RASGRF2: variants seen among roughly 807,000 people sequenced by gnomAD.
The protein encoded by RASGRF2 is Ras protein specific guanine nucleotide releasing factor 2, also known as ras-specific guanine nucleotide-releasing factor 2.
RASGRF2 carries 76 observed loss-of-function variants against 151.0 expected under a neutral mutation model. That is an observed-to-expected ratio of 0.50 (90% CI 0.42 to 0.61). The LOEUF is 0.61. Ranked by LOEUF, RASGRF2 falls within the 20% of genes least tolerant of loss-of-function variation. The pLI is 0.00. For synonymous variants in RASGRF2, 504 were observed against 566.5 expected (o/e 0.89, Z 1.57); for missense variants, 1,148 against 1,564.6 (o/e 0.73, Z 4.49).
intron 17 of RASGRF2, among the ~76,000 whole-genome samples, chr5:81,171,805 G>C (rs1224560139): frequency 6.6e-6 from 1 of 152,144 alleles, no homozygotes; most frequent in Non-Finnish European, 1.5e-5. Context: ...ACAATTTCTG[G>C]AAGTCTTTAA....
chr5:81,094,995 A>G lies in RASGRF2; in HGVS notation c.1755+3A>G, dbSNP rs745589146. ...CCTGGATGAGTGACATCAGTCAGGT[A>G]AGAAAGTGGCTTTTGCCAAATTTTT... On this transcript the variant is annotated splice_donor_region_variant and intron_variant, in intron 12 of 26. Coordinates refer to ENST00000265080, the MANE Select transcript of RASGRF2 (RefSeq NM_006909.3). 1.0e-5 allele frequency: 15 copies of G among 1,436,910 alleles called. No individual in the cohort carries two copies. The highest frequency in any genetic ancestry group is 1.4e-5 in the Non-Finnish European group (15 of 1,091,698). 89.0% of individuals were successfully genotyped at this position (1,436,910 alleles called of 1,614,324 possible).
intron 1 of RASGRF2, among the ~76,000 whole-genome samples, chr5:81,027,213 A>G (rs1393905010): frequency 6.6e-6 from 1 of 152,220 alleles, no homozygotes; most frequent in African/African-American, 2.4e-5. Context: ...GTTAAAACCC[A>G]TAGAACCCTA....
intron 1 of RASGRF2, among the ~76,000 whole-genome samples, chr5:81,034,642 C>A (rs1436287485): frequency 2.6e-5 from 4 of 151,480 alleles, no homozygotes; most frequent in Admixed American, 2.6e-4. Flanking sequence ...AGTTCATGTC[C>A]TTTGTAGGGA....
At chr5:81,015,457 TAA>T (rs200848924) in intron 1 of RASGRF2, among the ~76,000 whole-genome samples, 2 of 152,230 alleles carry the variant, frequency 1.3e-5, no homozygotes, top group South Asian at 4.1e-4. Flanking sequence ...GAGCTATTTA[TAA>T]AAAAAGTTGT....
At chr5:81,161,172 C>G (rs1022674249) in intron 17 of RASGRF2, among the ~76,000 whole-genome samples, 4 of 152,202 alleles carry the variant, frequency 2.6e-5, no homozygotes, top group Non-Finnish European at 1.5e-5. Flanking sequence ...ATTCACACCA[C>G]CGGGTCTGAG....
chr5:81,153,664 T>C (rs1754187965), intron 17 of RASGRF2, among the ~76,000 whole-genome samples: 1 of 152,018 alleles, frequency 6.6e-6, no homozygotes, highest in African/African-American at 2.4e-5. Context: ...AAAACTAATA[T>C]GGAATGAATA....
intron 1 of RASGRF2, among the ~76,000 whole-genome samples, chr5:80,989,078 A>G (rs770175735): frequency 2.6e-5 from 4 of 152,188 alleles, no homozygotes; most frequent in Admixed American, 1.3e-4. Flanking sequence ...CCGGGATTCA[A>G]ATGATTCTCA....
At chr5:81,090,113 A>G (rs1376028394) in intron 9 of RASGRF2, among the ~76,000 whole-genome samples, 6 of 152,130 alleles carry the variant, frequency 3.9e-5, no homozygotes, top group Non-Finnish European at 8.8e-5. Context: ...TCATTCCTAG[A>G]CTCTAAGTCA....
At chr5:81,070,388 T>G (rs780630407) in intron 3 of RASGRF2, 104 bp from the exon 4 acceptor site, 3 of 905,868 alleles carry the variant, frequency 3.3e-6, no homozygotes, top group East Asian at 4.9e-5. Flanking sequence ...AGTGGGTGTT[T>G]CCTGAGGATC....
At chr5:81,112,068 C>A (rs1027222671) in intron 13 of RASGRF2, among the ~76,000 whole-genome samples, 5 of 152,126 alleles carry the variant, frequency 3.3e-5, no homozygotes, top group African/African-American at 1.2e-4. Flanking sequence ...CAGAGTGAGA[C>A]AAATTATTAT....
intron 1 of RASGRF2, among the ~76,000 whole-genome samples, chr5:81,034,809 G>GT (rs1750416297): frequency 1.2e-5 from 1 of 84,134 alleles, no homozygotes; most frequent in Non-Finnish European, 2.6e-5. Context: ...TGGGGTGGGA[G>GT]GGGGGTAGGG....
chr5:81,062,039 T>A (rs1418270022), intron 2 of RASGRF2, among the ~76,000 whole-genome samples: 4 of 145,606 alleles, frequency 2.7e-5, no homozygotes, highest in Admixed American at 6.9e-5. Context: ...AGAGATGAGA[T>A]CTTACTATGT....
intron 1 of RASGRF2, among the ~76,000 whole-genome samples, chr5:81,025,343 A>C (rs917042193): frequency 2.0e-5 from 3 of 152,166 alleles, no homozygotes; most frequent in African/African-American, 4.8e-5. Flanking sequence ...CACAGGCCAG[A>C]CATCAACTTC....
intron 1 of RASGRF2, among the ~76,000 whole-genome samples, chr5:80,976,817 C>T (rs974961798): frequency 3.3e-5 from 5 of 152,214 alleles, no homozygotes; most frequent in African/African-American, 4.8e-5. Flanking sequence ...TCCACATCCT[C>T]TGTGCCTTGA....
intron 12 of RASGRF2, among the ~76,000 whole-genome samples, chr5:81,107,661 AT>A (rs1752882361): frequency 6.6e-6 from 1 of 151,936 alleles, no homozygotes; most frequent in African/African-American, 2.4e-5. Flanking sequence ...ATCATCTCTG[AT>A]TTTCTCACTT....
chr5:81,049,023 C>T (rs961470635), intron 2 of RASGRF2, among the ~76,000 whole-genome samples: 2 of 152,030 alleles, frequency 1.3e-5, no homozygotes, highest in Non-Finnish European at 2.9e-5. Flanking sequence ...GGGTTTTGTC[C>T]CTACTCTACT....
At chr5:81,106,450 A>G (rs1350886084) in intron 12 of RASGRF2, among the ~76,000 whole-genome samples, 1 of 152,176 alleles carries the variant, frequency 6.6e-6, no homozygotes. Context: ...AGCGTAAGTG[A>G]GCTGCTTAGA....
chr5:80,986,330 C>T (rs540905671), intron 1 of RASGRF2, among the ~76,000 whole-genome samples: 2 of 152,324 alleles, frequency 1.3e-5, no homozygotes, highest in South Asian at 2.1e-4. Context: ...TGGAAGTCTC[C>T]TTTGCACACC....
intron 1 of RASGRF2, among the ~76,000 whole-genome samples, chr5:81,029,837 G>A (rs1204378004): frequency 6.6e-6 from 1 of 152,150 alleles, no homozygotes; most frequent in African/African-American, 2.4e-5. Context: ...CAGACGACTG[G>A]TAATAACAAA....
Sources: gnomAD v4.1 joint callset for allele counts (sites outside exome capture counted in the v4.1 genomes callset) on GRCh38, gnomAD v4.1.1 for gene constraint, MANE v1.5 for transcripts, NCBI Gene and HGNC (gene_info 2026-07-23, HGNC 2026-07-21) for gene names.